PRKN: variants seen among roughly 807,000 people sequenced by gnomAD.
The protein encoded by PRKN is E3 ubiquitin-protein ligase parkin.
Under a neutral mutation model 59.5 loss-of-function variants are expected in PRKN, and 56 were observed. The ratio of observed to expected loss-of-function variants is 0.94; its 90% CI spans 0.76 to 1.18. The LOEUF is 1.18. PRKN is among the 50% of genes most tolerant of loss of function. PRKN has a pLI of 0.00. For missense variants in PRKN, 657 were observed against 596.4 expected, an observed-to-expected ratio of 1.10 and a Z score of -1.06; for synonymous variants, 250 against 222.1, an observed-to-expected ratio of 1.13 and a Z score of -1.12.
In PRKN at chr6:161,487,195, G is replaced by A. The variant is rs1355600804; in HGVS notation, c.1083+61659C>T. ...TCATGTTTAATCCAAAAGCAATTCT[G>A]AGTGAAGTCCTATCCCTCAACCCTT... On this transcript the variant is annotated intron_variant, in intron 9 of 11. Transcript: ENST00000366898. The surrounding 1 kb of genome is among the most constrained non-coding windows in gnomAD (Gnocchi z 5.3). Among the ~76,000 whole-genome samples the A allele has an allele frequency of 6.6e-6, 1 of 152,224 alleles. No individual in the cohort carries two copies. The highest frequency in any genetic ancestry group is 2.4e-5 in the African/African-American group (1 of 41,462).
At chr6:161,716,555 CA>C (rs2128183961) in intron 7 of PRKN, among the ~76,000 whole-genome samples, 1 of 152,270 alleles carries the variant, frequency 6.6e-6, no homozygotes, top group South Asian at 2.1e-4. Flanking sequence ...CATCTGTCAA[CA>C]GGCATTTACT....
intron 1 of PRKN, among the ~76,000 whole-genome samples, chr6:162,544,147 T>G (rs1163617941): frequency 6.6e-6 from 1 of 152,160 alleles, no homozygotes; most frequent in Non-Finnish European, 1.5e-5. Context: ...GGAAAACTTT[T>G]GTTGCATGGA....
intron 2 of PRKN, among the ~76,000 whole-genome samples, chr6:162,415,387 T>C (rs1406339075): frequency 6.6e-6 from 1 of 152,198 alleles, no homozygotes; most frequent in Non-Finnish European, 1.5e-5. Flanking sequence ...TAAAGGCAGC[T>C]GAAATTGCCA....
chr6:162,058,005 G>T (rs1208957104), intron 4 of PRKN, among the ~76,000 whole-genome samples: 1 of 152,204 alleles, frequency 6.6e-6, no homozygotes, highest in African/African-American at 2.4e-5. Flanking sequence ...GGGGAACCCA[G>T]AGGGCACATC....
chr6:162,500,316 C>T (rs1282144994), intron 1 of PRKN, among the ~76,000 whole-genome samples: 1 of 151,972 alleles, frequency 6.6e-6, no homozygotes, highest in Admixed American at 6.6e-5. Flanking sequence ...GGATCACAGG[C>T]GCCCGCCACC....
At position 161,469,547 on chromosome 6, in the gene PRKN, A is replaced by AAGAG. The variant is rs60364166; in HGVS notation, c.1083+79303_1083+79306dup. On this transcript the variant is annotated intron_variant, in intron 9 of 11. Transcript: ENST00000366898. Reference sequence around the variant, plus strand: ...CCAGGTGGGTCCAGTGAACAAGAGAAAGAGAGAGAGAGAGAGAGAGAGAGA... The same window carrying AAGAG: ...CCAGGTGGGTCCAGTGAACAAGAGAAAGAGAGAGAGAGAGAGAGAGAGAGAGAGA... Among the ~76,000 whole-genome samples, 131 of 117,908 alleles carry AAGAG rather than the reference A, an allele frequency of 1.1e-3. No individual in the cohort carries two copies. In the South Asian group the frequency reaches 0.019, roughly 17 times the overall value. The allele number at this position is 117,908 out of a possible 152,430, so 77.4% of individuals were successfully genotyped here.
intron 9 of PRKN, among the ~76,000 whole-genome samples, chr6:161,434,419 T>G (rs1476072056): frequency 6.6e-6 from 1 of 152,158 alleles, no homozygotes; most frequent in African/African-American, 2.4e-5. Flanking sequence ...TTGGGGAATT[T>G]CCCTAAGTTT....
intron 9 of PRKN, among the ~76,000 whole-genome samples, chr6:161,432,355 ATTTTTTT>A (rs1188841520): frequency 1.1e-5 from 1 of 92,184 alleles, no homozygotes; most frequent in Non-Finnish European, 2.0e-5. Context: ...ACTTCCTCTG[ATTTTTTT>A]TTTTTTTTTT....
At chr6:162,311,728 C>G (rs1172297845) in intron 2 of PRKN, among the ~76,000 whole-genome samples, 1 of 152,032 alleles carries the variant, frequency 6.6e-6, no homozygotes, top group African/African-American at 2.4e-5. Flanking sequence ...ATTCTTAAGA[C>G]TGCTCAGTGC....
intron 2 of PRKN, among the ~76,000 whole-genome samples, chr6:162,316,036 G>A (rs1782739702): frequency 6.6e-6 from 1 of 150,764 alleles, no homozygotes; most frequent in Non-Finnish European, 1.5e-5. Context: ...GCTAATGCTG[G>A]AGATGGCCCT....
At chr6:162,235,902 A>AAAGG (rs777894905) in intron 3 of PRKN, among the ~76,000 whole-genome samples, 6,398 of 72,846 alleles carry the variant, frequency 0.088, 510 homozygotes, top group Admixed American at 0.12. Context: ...AGAAAGAAGG[A>AAAGG]AAGGAAGGAA....
intron 9 of PRKN, among the ~76,000 whole-genome samples, chr6:161,522,780 G>A (rs1279980597): frequency 2.6e-5 from 4 of 152,202 alleles, no homozygotes; most frequent in South Asian, 4.1e-4. Flanking sequence ...TTTCCCTTCC[G>A]TAGTGAACGG....
rs1778975985 is a variant in PRKN at position 161,525,227 on chromosome 6, T to C, written c.1083+23627A>G. 6.6e-6 allele frequency among the ~76,000 whole-genome samples: 1 copy of C among 152,066 alleles called. No individual in the cohort carries two copies. Among genetic ancestry groups the C allele is most frequent in the African/African-American group, 2.4e-5 (1 of 41,412 alleles). On this transcript the variant is annotated intron_variant, in intron 9 of 11. Transcript: ENST00000366898. The surrounding 1 kb of genome is among the most constrained non-coding windows in gnomAD (Gnocchi z 4.7). ...GGATATATAGTATAAAGCCATCCTT[T>C]ATAAAACAGGACAACAAATCTTACA... is the stretch of plus-strand genomic sequence containing the variant.
intron 2 of PRKN, among the ~76,000 whole-genome samples, chr6:162,325,863 A>G (rs1162249782): frequency 1.3e-5 from 2 of 152,176 alleles, no homozygotes; most frequent in Non-Finnish European, 2.9e-5. Context: ...AGTCAAACAA[A>G]TTGTATACAT....
At chr6:162,250,931 C>T (rs1779407798) in intron 3 of PRKN, among the ~76,000 whole-genome samples, 1 of 151,902 alleles carries the variant, frequency 6.6e-6, no homozygotes, top group Non-Finnish European at 1.5e-5. Context: ...CTTGTTAAGT[C>T]TTCAATAACT....
intron 1 of PRKN, among the ~76,000 whole-genome samples, chr6:162,469,557 G>A (rs1176647887): frequency 6.6e-6 from 1 of 151,632 alleles, no homozygotes; most frequent in East Asian, 2.0e-4. Flanking sequence ...CCATTAAAAG[G>A]AATGAATTAA....
Position 161,474,615 on chromosome 6 carries a change from A to G in PRKN, c.1083+74239T>C, listed in dbSNP as rs187254658. 6.1e-4 allele frequency among the ~76,000 whole-genome samples: 93 copies of G among 151,612 alleles called. 2 individuals are homozygous for G. Among genetic ancestry groups the G allele is most frequent in the Admixed American group, 1.9e-3 (29 of 15,232 alleles). ...ACCATTACTTTTTTTTTTTTTCGGC[A>G]ATGGAGTCTCGCTCTGTTGCCCAGG... On this transcript the variant is annotated intron_variant, in intron 9 of 11. Transcript: ENST00000366898.
At chr6:162,399,460 C>T (rs9458541) in intron 2 of PRKN, among the ~76,000 whole-genome samples, 6,379 of 152,138 alleles carry the variant, frequency 0.042, 468 homozygotes, top group African/African-American at 0.15. Context: ...TACTGCTCTA[C>T]GCCCCACCAC....
intron 1 of PRKN, among the ~76,000 whole-genome samples, chr6:162,562,396 G>T (rs1315816470): frequency 1.3e-5 from 2 of 152,152 alleles, no homozygotes; most frequent in Non-Finnish European, 2.9e-5. Flanking sequence ...TGTGCTCTTG[G>T]GGTCCCCAGT....
Sources: allele counts gnomAD v4.1 joint callset (sites outside exome capture counted in the v4.1 genomes callset), GRCh38; gene constraint gnomAD v4.1.1; non-coding constraint Gnocchi (gnomAD v3.1); transcripts MANE v1.5; gene names NCBI Gene and HGNC (gene_info 2026-07-23, HGNC 2026-07-21).